The following CCDC102B variants were observed in gnomAD, a reference collection of about 807,000 sequenced individuals.
CCDC102B encodes coiled-coil domain containing 102B.
A neutral mutation model predicts 57.4 loss-of-function variants in CCDC102B; 75 were observed. That is an observed-to-expected ratio of 1.31 (90% CI 1.08 to 1.58). The LOEUF (loss-of-function observed/expected upper bound fraction) is 1.58. Ranked by LOEUF, CCDC102B falls within the 40% of genes most tolerant of loss-of-function variation. CCDC102B has a pLI of 0.00. For missense variants in CCDC102B, 636 were observed against 582.6 expected, an observed-to-expected ratio of 1.09 and a Z score of -0.94; for synonymous variants, 206 against 201.9, an observed-to-expected ratio of 1.02 and a Z score of -0.17.
At chr18:68,937,217 A>G (rs1309565362) in intron 6 of CCDC102B, among the ~76,000 whole-genome samples, 1 of 152,076 alleles carries the variant, frequency 6.6e-6, no homozygotes, top group African/African-American at 2.4e-5. Flanking sequence ...ACTTAGGAAC[A>G]TTAGACAGCA....
chr18:68,758,093 A>G (rs1322227554), intron 2 of CCDC102B, among the ~76,000 whole-genome samples: 1 of 152,072 alleles, frequency 6.6e-6, no homozygotes, highest in Non-Finnish European at 1.5e-5. Flanking sequence ...AGAAGTATTA[A>G]CACACTAAAA....
intron 5 of CCDC102B, among the ~76,000 whole-genome samples, chr18:68,888,646 C>T (rs1404998102): frequency 6.6e-6 from 1 of 152,112 alleles, no homozygotes; most frequent in Admixed American, 6.5e-5. Flanking sequence ...GGTTGAGAAC[C>T]ACTGACTGAC....
At chr18:69,013,785 G>T (rs989734279) in intron 7 of CCDC102B, among the ~76,000 whole-genome samples, 1 of 152,154 alleles carries the variant, frequency 6.6e-6, no homozygotes, top group African/African-American at 2.4e-5. Context: ...GGTATATAAG[G>T]TAATATAGAA....
chr18:69,010,087 A>T (rs1599843195), intron 6 of CCDC102B, among the ~76,000 whole-genome samples: 2 of 130,432 alleles, frequency 1.5e-5, no homozygotes, highest in African/African-American at 2.8e-5. Flanking sequence ...GTCCGCCACC[A>T]TGCCCGGCTA....
At chr18:68,818,111 T>A (rs893299284) in intron 1 of CCDC102B, among the ~76,000 whole-genome samples, 4 of 152,174 alleles carry the variant, frequency 2.6e-5, no homozygotes, top group African/African-American at 7.2e-5. Context: ...TCATTGAGTT[T>A]GTGCAAAGTA....
chr18:69,037,623 A>G (rs2052329883), intron 7 of CCDC102B, among the ~76,000 whole-genome samples: 2 of 152,032 alleles, frequency 1.3e-5, no homozygotes, highest in South Asian at 4.1e-4. Context: ...GAAGGTTAAC[A>G]AAAGAAGAAA....
chr18:68,871,310 A>C (rs2039228987), intron 4 of CCDC102B, among the ~76,000 whole-genome samples: 1 of 152,184 alleles, frequency 6.6e-6, no homozygotes, highest in Admixed American at 6.5e-5. Context: ...GTCCCTTTCA[A>C]CTTAACGAAT....
chr18:69,043,392 A>T (rs2145479263), intron 7 of CCDC102B, among the ~76,000 whole-genome samples: 1 of 152,200 alleles, frequency 6.6e-6, no homozygotes, highest in East Asian at 1.9e-4. Flanking sequence ...TCCTCAGCAC[A>T]GACCCTTTAT....
chr18:68,964,911 C>T (rs1386543360), intron 6 of CCDC102B, among the ~76,000 whole-genome samples: 2 of 151,942 alleles, frequency 1.3e-5, no homozygotes, highest in South Asian at 2.1e-4. Context: ...TCTTGAGCCA[C>T]ATCCCTTAGC....
chr18:68,731,695 A>G (rs2032871457), intron 2 of CCDC102B, among the ~76,000 whole-genome samples: 2 of 149,642 alleles, frequency 1.3e-5, no homozygotes, highest in Admixed American at 1.3e-4. Flanking sequence ...AATTTTGTCT[A>G]TGTGTGTATA....
intron 6 of CCDC102B, among the ~76,000 whole-genome samples, chr18:68,967,155 T>C (rs1393596069): frequency 1.8e-5 from 2 of 111,314 alleles, no homozygotes; most frequent in African/African-American, 7.0e-5. Flanking sequence ...TCGTGCCTCT[T>C]TTCGGTGTGT....
chr18:68,796,837 A>ACATG (rs201649268), upstream of CCDC102B, among the ~76,000 whole-genome samples: 294 of 56,980 alleles, frequency 5.2e-3, 6 homozygotes, highest in East Asian at 0.082. Context: ...ATATTTATGT[A>ACATG]CATGCATGTG....
intron 2 of CCDC102B, among the ~76,000 whole-genome samples, chr18:68,747,994 G>A (rs2145237672): frequency 6.6e-6 from 1 of 152,150 alleles, no homozygotes; most frequent in South Asian, 2.1e-4. Flanking sequence ...ACTGTTACAA[G>A]GGTTCCATTA....
intron 6 of CCDC102B, chr18:68,908,312 C>T (rs1049504858): frequency 2.0e-5 from 3 of 152,152 alleles, no homozygotes; most frequent in Non-Finnish European, 4.4e-5. Flanking sequence ...ATAAAAACAC[C>T]ACAAAGCTTT....
chr18:68,836,997 TGAA>T lies in CCDC102B; in HGVS notation c.239_241del (p.Glu80del), dbSNP rs1480911206. The T allele has an allele frequency of 3.1e-6, 5 of 1,614,114 alleles. No individual in the cohort carries two copies. The highest frequency in any genetic ancestry group is 4.2e-6 in the Non-Finnish European group (5 of 1,180,020). ...GTGAAGAACTTCGCCTGCGGGAGCTTGAAGAAGTCAAGGCCAGAGCTGCTCAGA... is the reference window on the plus strand; with the variant it reads ...GTGAAGAACTTCGCCTGCGGGAGCTTGAAGTCAAGGCCAGAGCTGCTCAGA... On this transcript the variant is annotated inframe_deletion, in exon 2 of 8. Coordinates refer to ENST00000360242, the MANE Select transcript of CCDC102B (RefSeq NM_024781.3).
chr18:68,964,222 C>T (rs1044114117), intron 6 of CCDC102B, among the ~76,000 whole-genome samples: 3 of 151,842 alleles, frequency 2.0e-5, no homozygotes, highest in Non-Finnish European at 4.4e-5. Flanking sequence ...AGTTCCTTGG[C>T]TCAATTTTGG....
intron 6 of CCDC102B, among the ~76,000 whole-genome samples, chr18:68,938,392 C>T (rs1315371782): frequency 1.3e-5 from 2 of 152,026 alleles, no homozygotes; most frequent in African/African-American, 2.4e-5. Context: ...CTTCATACAG[C>T]ATTTTGTGTA....
intron 1 of CCDC102B, among the ~76,000 whole-genome samples, chr18:68,810,313 A>G (rs552957258): frequency 6.6e-6 from 1 of 152,228 alleles, no homozygotes; most frequent in South Asian, 2.1e-4. Context: ...TCACTGAAAA[A>G]CTTCATATAA....
At chr18:68,727,394 G>A (rs558107752) in intron 2 of CCDC102B, among the ~76,000 whole-genome samples, 1 of 152,008 alleles carries the variant, frequency 6.6e-6, no homozygotes, top group Non-Finnish European at 1.5e-5. Context: ...CCAATAATTG[G>A]AGGACATAAA....
Sources: allele counts gnomAD v4.1 joint callset (sites outside exome capture counted in the v4.1 genomes callset), GRCh38; gene constraint gnomAD v4.1.1; transcripts MANE v1.5; gene names NCBI Gene and HGNC (gene_info 2026-07-23, HGNC 2026-07-21).